Variants in KCNG2 observed in about 807,000 individuals in gnomAD.
The protein encoded by KCNG2 is potassium voltage-gated channel modifier subfamily G member 2.
Under a neutral mutation model 12.3 loss-of-function variants are expected in KCNG2, and 7 were observed. The ratio of observed to expected loss-of-function variants is 0.57; its 90% confidence interval spans 0.32 to 1.07. The LOEUF is 1.07. Ranked by LOEUF, KCNG2 falls within the 50% of genes least tolerant of loss-of-function variation. The pLI, the probability that KCNG2 is intolerant of heterozygous loss-of-function variation, is 0.04. For synonymous variants in KCNG2, 414 were observed against 351.4 expected (o/e 1.18, Z -1.99); for missense variants, 703 against 726.0 (o/e 0.97, Z 0.36).
chr18:79,848,590 G>A (rs1978703613), intron 1 of KCNG2, among the ~76,000 whole-genome samples: 1 of 152,226 alleles, frequency 6.6e-6, no homozygotes, highest in Non-Finnish European at 1.5e-5. Context: ...CATGAAGTCC[G>A]TCTCACAGGT....
At chr18:79,846,102 G>C (rs1978616380) in intron 1 of KCNG2, among the ~76,000 whole-genome samples, 1 of 149,254 alleles carries the variant, frequency 6.7e-6, no homozygotes, top group Admixed American at 6.7e-5. Flanking sequence ...GCTGGGCGCG[G>C]TGGCTCACGC....
At chr18:79,799,957 C>T (rs556374037) in intron 1 of KCNG2, among the ~76,000 whole-genome samples, 1 of 152,224 alleles carries the variant, frequency 6.6e-6, no homozygotes, top group Admixed American at 6.5e-5. Context: ...CTGGGTTTTG[C>T]CCTGGTGAAA....
intron 1 of KCNG2, among the ~76,000 whole-genome samples, 111 bp downstream of exon 1, chr18:79,798,125 C>G (rs1027859397): frequency 6.6e-6 from 1 of 151,208 alleles, no homozygotes; most frequent in African/African-American, 2.4e-5. Context: ...TGGTTCCGCG[C>G]GCAGCTTCTT....
intron 3 of KCNG2, among the ~76,000 whole-genome samples, chr18:79,893,488 T>C (rs2123129460): frequency 6.6e-6 from 1 of 152,288 alleles, no homozygotes; most frequent in South Asian, 2.1e-4. Flanking sequence ...TATAGTTGGG[T>C]CTGTGTCTGC....
In KCNG2 at chr18:79,845,239, G is replaced by C. The variant is rs900692085; in HGVS notation, c.-114-11140G>C. On this transcript the variant is annotated intron_variant, in intron 1 of 3. Transcript: ENST00000316249. ...GACAATATTATGACGATGAAGAACA[G>C]ATGAACAGTTTCCAGGGGTTCAGGA... Among the ~76,000 whole-genome samples, 45 of 152,204 alleles carry C rather than the reference G, an allele frequency of 3.0e-4. 1 individual carries two copies.
chr18:79,823,195 C>T lies in KCNG2; in HGVS notation c.-115+25181C>T, dbSNP rs147237497. Among the ~76,000 whole-genome samples, 248 of 152,320 alleles carry T rather than the reference C, an allele frequency of 1.6e-3. 2 individuals are homozygous for T. Among genetic ancestry groups the T allele is most frequent in the African/African-American group, 5.7e-3 (235 of 41,570 alleles). The stretch of plus-strand genomic sequence containing the variant: ...GTCATCTCGTGGCAGGCCTTACAGA[C>T]CTTCCTCCTTCCGGCACGTGCCCCA... On this transcript the variant is annotated intron_variant, in intron 1 of 3. Transcript: ENST00000316249.
At chr18:79,809,503 G>A (rs1450481873) in intron 1 of KCNG2, among the ~76,000 whole-genome samples, 3 of 98,150 alleles carry the variant, frequency 3.1e-5, no homozygotes, top group Admixed American at 9.7e-5. Context: ...CAGAGTCCGC[G>A]CTCTGAGGAG....
chr18:79,804,519 G>A (rs550453594), intron 1 of KCNG2, among the ~76,000 whole-genome samples: 27 of 152,220 alleles, frequency 1.8e-4, no homozygotes, highest in Non-Finnish European at 2.5e-4. Flanking sequence ...ACCCGTGGCC[G>A]GTCCTGAGCC....
chr18:79,863,777 G>A lies in KCNG2; in HGVS notation c.110G>A (p.Arg37Gln), dbSNP rs564457216. ...CGCCTGGCATGGGCCGCGCTGGCGC[G>A]ATGCCCCCTCGCGCGCCTGGAGCGC... ...RVRLAWAALARCPLARLERLR... is the reference protein window; with the variant it reads ...RVRLAWAALAQCPLARLERLR... The change falls in exon 3 of 4, where the codon CGA becomes CAA. Residue 37 changes from arginine (R) to glutamine (Q), a missense_variant. Physicochemically the swap from Arg to Gln is conservative, Grantham distance 43. Coordinates refer to ENST00000316249, the MANE Select transcript of KCNG2 (RefSeq NM_012283.2). The A allele has an allele frequency of 1.3e-4, 161 of 1,273,016 alleles. 4 individuals are homozygous for A. The South Asian group carries it at 3.0e-3, about 24-fold the overall frequency. The allele number at this position is 1,273,016 out of a possible 1,614,324, so 78.9% of individuals were successfully genotyped here.
intron 1 of KCNG2, among the ~76,000 whole-genome samples, chr18:79,823,550 C>T (rs549350254): frequency 3.3e-5 from 5 of 152,248 alleles, no homozygotes; most frequent in Admixed American, 6.5e-5. Context: ...TCTCTGATTA[C>T]GAGTGTGCTT....
chr18:79,826,695 G>A (rs552513381), intron 1 of KCNG2, among the ~76,000 whole-genome samples: 9 of 148,320 alleles, frequency 6.1e-5, no homozygotes, highest in African/African-American at 2.0e-4. Context: ...AGCTCCTCAC[G>A]GAAGGTTAGT....
At chr18:79,816,627 G>A (rs1309048691) in intron 1 of KCNG2, 1 of 152,222 alleles carries the variant, frequency 6.6e-6, no homozygotes. Context: ...TGAATTAAAA[G>A]GCTATTAGGG....
intron 3 of KCNG2, among the ~76,000 whole-genome samples, chr18:79,882,441 C>A (rs958839788): frequency 6.6e-6 from 1 of 152,226 alleles, no homozygotes; most frequent in African/African-American, 2.4e-5. Flanking sequence ...AATCACATAT[C>A]TAACAAAGGA....
At chr18:79,872,102 G>A (rs1025415452) in intron 3 of KCNG2, among the ~76,000 whole-genome samples, 2 of 151,974 alleles carry the variant, frequency 1.3e-5, no homozygotes, top group East Asian at 1.9e-4. Flanking sequence ...GCCTGCAAAC[G>A]GCAGGGCCTG....
Position 79,864,275 on chromosome 18 carries a change from G to GCGC in KCNG2, c.611_613dup (p.Ala204dup). 1 of 1,539,654 alleles carries GCGC rather than the reference G, an allele frequency of 6.5e-7. No individual in the cohort carries two copies. On this transcript the variant is annotated inframe_insertion, in exon 3 of 4. Transcript: ENST00000316249. Reference sequence around the variant, plus strand: ...TGCCTGAGCACCATGCCGGACATCCGCGCCGAGGAGGAGCGGGTGAGCGCG... The same window carrying GCGC: ...TGCCTGAGCACCATGCCGGACATCCGCGCCGCCGAGGAGGAGCGGGTGAGCGCG...
chr18:79,853,971 C>T lies in KCNG2; in HGVS notation c.-114-2408C>T, dbSNP rs539334780. ...TCGGGGTCCAGCCTGTGAAACAGCA[C>T]AGACCAGTTTCCAGTGGAATCCACC... is the stretch of plus-strand genomic sequence containing the variant. On this transcript the variant is annotated intron_variant, in intron 1 of 3. Coordinates refer to ENST00000316249, the MANE Select transcript of KCNG2 (RefSeq NM_012283.2). 1.7e-3 allele frequency among the ~76,000 whole-genome samples: 258 copies of T among 152,382 alleles called. 1 individual carries two copies. Among genetic ancestry groups the T allele is most frequent in the African/African-American group, 5.9e-3 (245 of 41,590 alleles).
At chr18:79,896,166 G>C (rs899715626) in intron 3 of KCNG2, among the ~76,000 whole-genome samples, 1 of 151,920 alleles carries the variant, frequency 6.6e-6, no homozygotes, top group African/African-American at 2.4e-5. Flanking sequence ...GGGTTTTGCC[G>C]TGTTGGCCAG....
chr18:79,850,980 G>T (rs1041844490), intron 1 of KCNG2, among the ~76,000 whole-genome samples: 2 of 152,142 alleles, frequency 1.3e-5, no homozygotes, highest in African/African-American at 4.8e-5. Context: ...TACCAGAAAG[G>T]GGTCCCAATC....
At chr18:79,852,742 C>G (rs2123050855) in intron 1 of KCNG2, among the ~76,000 whole-genome samples, 1 of 152,374 alleles carries the variant, frequency 6.6e-6, no homozygotes, top group East Asian at 1.9e-4. Context: ...GCTTCTCCAG[C>G]TTCCCGGCCA....
Sources: gnomAD v4.1 joint callset for allele counts (sites outside exome capture counted in the v4.1 genomes callset) on GRCh38, gnomAD v4.1.1 for gene constraint, MANE v1.5 for transcripts, NCBI Gene and HGNC (gene_info 2026-07-23, HGNC 2026-07-21) for gene names.